The following POU2F2 variants were observed in gnomAD, a reference collection of about 807,000 sequenced individuals.
POU2F2 encodes the protein POU domain, class 2, transcription factor 2.
Under a neutral mutation model 63.5 loss-of-function variants are expected in POU2F2, and 14 were observed. The ratio of observed to expected loss-of-function variants is 0.22; its 90% CI spans 0.15 to 0.34. POU2F2 has a LOEUF of 0.34. Among genes scored for constraint, POU2F2 ranks in the 10% least tolerant of loss-of-function variants. POU2F2 has a pLI of 1.00. For missense variants in POU2F2, 607 were observed against 815.2 expected, an observed-to-expected ratio of 0.74 and a Z score of 3.11; for synonymous variants, 306 against 348.6, an observed-to-expected ratio of 0.88 and a Z score of 1.36.
At chr19:42,114,037 A>T (rs965707865) in intron 5 of POU2F2, among the ~76,000 whole-genome samples, 2 of 152,190 alleles carry the variant, frequency 1.3e-5, no homozygotes, top group African/African-American at 4.8e-5. Context: ...GAAGACAGAA[A>T]GGGAAAGATC....
At position 42,141,159 on chromosome 19, in the gene POU2F2, TAC is replaced by T. The variant is rs1184659212; in HGVS notation, c.-8-18585_-8-18584del. 5.3e-5 allele frequency among the ~76,000 whole-genome samples: 8 copies of T among 152,340 alleles called. No individual in the cohort carries two copies. In the East Asian group the frequency reaches 1.5e-3, roughly 29 times the overall value. On this transcript the variant is annotated intron_variant, in intron 2 of 6. Coordinates refer to the POU2F2 transcript ENST00000524801. ...AATCACTTCCCAATGAGGCTGTACC[TAC>T]AGACTGTGAGCTCCTTGAGAAGAGG...
upstream of POU2F2, among the ~76,000 whole-genome samples, chr19:42,180,962 A>G (rs889681475): frequency 6.6e-6 from 1 of 151,880 alleles, no homozygotes; most frequent in African/African-American, 2.4e-5. Context: ...AATTTTAAGG[A>G]TCCAAAAAAC....
intron 1 of POU2F2, among the ~76,000 whole-genome samples, chr19:42,164,924 T>C (rs2034620932): frequency 6.7e-6 from 1 of 150,094 alleles, no homozygotes; most frequent in Non-Finnish European, 1.5e-5. Flanking sequence ...ATCTCTCCAC[T>C]GCACTCCAGC....
rs892257134 is a variant in POU2F2, at chr19:42,112,096, G to A, written c.369+5154C>T. ...ATTCCAGGACAGACAGGCAACAGCAGATCCCAACCCAGGAACCAGTGGGAG... is the reference window on the plus strand; with the variant it reads ...ATTCCAGGACAGACAGGCAACAGCAAATCCCAACCCAGGAACCAGTGGGAG... On this transcript the variant is annotated intron_variant, in intron 5 of 14. Transcript: ENST00000692977. Among the ~76,000 whole-genome samples the A allele has an allele frequency of 6.6e-5, 10 of 152,360 alleles. 1 individual carries two copies. Among genetic ancestry groups the A allele is most frequent in the Admixed American group, 6.5e-4 (10 of 15,310 alleles).
At chr19:42,119,964 G>C (rs940952978) in intron 4 of POU2F2, among the ~76,000 whole-genome samples, 15 of 151,968 alleles carry the variant, frequency 9.9e-5, no homozygotes, top group Admixed American at 8.5e-4. Flanking sequence ...TGTCACCCAA[G>C]CTGGAGTGCA....
In POU2F2 at chr19:42,095,876, C is replaced by T. The variant is rs1000235501; in HGVS notation, c.783G>A (p.Thr261=). The change falls in exon 9 of 15, where the codon ACG becomes ACA. Residue 261 remains threonine, a synonymous_variant. Transcript: ENST00000692977. The surrounding 1 kb of genome is among the most constrained non-coding windows in gnomAD (Gnocchi z 7.1). The part of the protein sequence containing the change: ...GKLYGNDFSQ[T]TISRFEALNL... ...TGAGGGCCTCGAAGCGGGAAATGGT[C>T]GTCTGGCTGAAGTCGTTGCCGTAGA... 1 of 1,613,898 alleles carries T rather than the reference C, an allele frequency of 6.2e-7. No homozygotes were observed.
At chr19:42,101,074 G>T (rs1191260926) in intron 5 of POU2F2, among the ~76,000 whole-genome samples, 1 of 151,128 alleles carries the variant, frequency 6.6e-6, no homozygotes, top group Admixed American at 6.6e-5. Context: ...TCTCTGCACT[G>T]CAGCCTGGGT....
At chr19:42,130,182 C>G (rs1285964871) in intron 1 of POU2F2, among the ~76,000 whole-genome samples, 1 of 152,136 alleles carries the variant, frequency 6.6e-6, no homozygotes, top group African/African-American at 2.4e-5. Flanking sequence ...ATACTACACC[C>G]AGTCACTCAC....
chr19:42,158,203 A>G (rs2034492402), intron 2 of POU2F2, among the ~76,000 whole-genome samples: 2 of 152,204 alleles, frequency 1.3e-5, no homozygotes, highest in South Asian at 4.1e-4. Context: ...TACAAACTCC[A>G]TCAGCAAAGC....
intron 1 of POU2F2, among the ~76,000 whole-genome samples, chr19:42,173,729 C>G (rs775117026): frequency 2.0e-4 from 30 of 152,166 alleles, no homozygotes; most frequent in Non-Finnish European, 3.2e-4. Flanking sequence ...CAAAGACTAG[C>G]AGAGGGAAGT....
In POU2F2 at chr19:42,098,766, A is replaced by G. The variant is rs2077018601; in HGVS notation, c.567+761T>C. Among the ~76,000 whole-genome samples, 3 of 152,254 alleles carry G rather than the reference A, an allele frequency of 2.0e-5. No homozygotes were observed. In the South Asian group the frequency reaches 6.2e-4, roughly 31 times the overall value. On this transcript the variant is annotated intron_variant, in intron 7 of 14. Transcript: ENST00000692977. ...TTCACATATATTTTTTTAAAGGGCT[A>G]TAAAAAATGGGTAGAAAAAAACTTT...
In POU2F2 at chr19:42,162,094, G is replaced by T. The variant is rs941494768; in HGVS notation, c.-69-1702C>A. ...GGGCGAGGGAATCCCCAGGCCTCGG[G>T]GGGGCCAGAGTCAGACAGCGCCTTA... On this transcript the variant is annotated intron_variant, in intron 1 of 6. Transcript: ENST00000524801. This position sits in a 1 kb window ranked among gnomAD's most constrained non-coding sequence, Gnocchi z 4.1. 6.6e-6 allele frequency among the ~76,000 whole-genome samples: 1 copy of T among 152,164 alleles called. No homozygotes were observed. The highest frequency in any genetic ancestry group is 2.4e-5 in the African/African-American group (1 of 41,436).
intron 4 of POU2F2, among the ~76,000 whole-genome samples, chr19:42,120,520 C>T (rs757222465): frequency 1.7e-4 from 26 of 152,162 alleles, no homozygotes; most frequent in Non-Finnish European, 3.4e-4. Context: ...GCGCCCAGCC[C>T]TAATCTCCTT....
At chr19:42,171,148 T>C (rs916077806) in intron 1 of POU2F2, among the ~76,000 whole-genome samples, 1 of 152,256 alleles carries the variant, frequency 6.6e-6, no homozygotes, top group African/African-American at 2.4e-5. Flanking sequence ...CTCAGCACAC[T>C]GCTCAGGCTG....
Position 42,122,121 on chromosome 19 carries a change from C to T in POU2F2, c.186+5G>A, listed in dbSNP as rs2032691662. The T allele has an allele frequency of 1.2e-6, 2 of 1,611,864 alleles. No individual in the cohort carries two copies. Among genetic ancestry groups the T allele is most frequent in the Non-Finnish European group, 1.7e-6 (2 of 1,178,004 alleles). ...ACTTCCCTGGCTGTTCTGACAGGTG[C>T]TTACCTTTGTACTGGGGCCAGTTGG... On this transcript the variant is annotated splice_donor_5th_base_variant and intron_variant, in intron 4 of 14. Transcript: ENST00000692977.
intron 1 of POU2F2, among the ~76,000 whole-genome samples, chr19:42,196,059 T>C (rs998135287): frequency 6.6e-6 from 1 of 152,132 alleles, no homozygotes; most frequent in Non-Finnish European, 1.5e-5. Context: ...TTCAGAATGT[T>C]ATTTCACAAC....
chr19:42,158,442 G>A (rs556273795), intron 2 of POU2F2, among the ~76,000 whole-genome samples: 1 of 152,352 alleles, frequency 6.6e-6, no homozygotes, highest in South Asian at 2.1e-4. Flanking sequence ...GGCAAACCCA[G>A]GTTCAAATTC....
chr19:42,190,996 G>A (rs2035069410), intron 1 of POU2F2, among the ~76,000 whole-genome samples: 3 of 151,740 alleles, frequency 2.0e-5, no homozygotes, highest in Admixed American at 6.6e-5. Context: ...GAACCCAAGA[G>A]GTGGAGGTTG....
chr19:42,181,650 A>C (rs1332915932), intron 1 of POU2F2, among the ~76,000 whole-genome samples: 10 of 152,080 alleles, frequency 6.6e-5, no homozygotes, highest in Non-Finnish European at 1.2e-4. Flanking sequence ...GCAGTGGCAC[A>C]ATCTCGGCTC....
Sources: gnomAD v4.1 joint callset for allele counts (sites outside exome capture counted in the v4.1 genomes callset) on GRCh38, gnomAD v4.1.1 for gene constraint, Gnocchi (gnomAD v3.1) non-coding constraint, MANE v1.5 for transcripts, NCBI Gene and HGNC (gene_info 2026-07-23, HGNC 2026-07-21) for gene names.